The following PARN variants were observed in gnomAD, a reference collection of about 807,000 sequenced individuals.
The protein encoded by PARN is poly(A)-specific ribonuclease PARN.
A neutral mutation model predicts 102.8 loss-of-function variants in PARN; 71 were observed. The observed-to-expected ratio is 0.69, with a 90% CI of 0.57 to 0.84. The LOEUF is 0.84. Among genes scored for constraint, PARN ranks in the 40% least tolerant of loss-of-function variants. The pLI is 0.00. For missense variants in PARN, 782 were observed against 760.9 expected, an observed-to-expected ratio of 1.03 and a Z score of -0.33; for synonymous variants, 261 against 252.9, an observed-to-expected ratio of 1.03 and a Z score of -0.30.
At chr16:14,558,999 C>A (rs1268136221) in intron 18 of PARN, among the ~76,000 whole-genome samples, 1 of 152,064 alleles carries the variant, frequency 6.6e-6, no homozygotes, top group Non-Finnish European at 1.5e-5. Flanking sequence ...TGTGCACTAC[C>A]TCACCTGGCT....
At chr16:14,524,543 CAAG>C (rs939153944) in intron 21 of PARN, among the ~76,000 whole-genome samples, 3 of 152,112 alleles carry the variant, frequency 2.0e-5, no homozygotes, top group Admixed American at 6.5e-5. Context: ...TGGGGAAAGA[CAAG>C]GAGGGGAAAA....
Position 14,608,334 on chromosome 16 carries a change from G to A in PARN, c.621-15C>T. 6.7e-7 allele frequency: 1 copy of A among 1,500,956 alleles called. No homozygotes were observed. Among genetic ancestry groups the A allele is most frequent in the Non-Finnish European group, 9.0e-7 (1 of 1,106,074 alleles). The allele number at this position is 1,500,956 out of a possible 1,614,324, so 93.0% of individuals were successfully genotyped here. A position where few individuals can be genotyped will look rare whatever the true frequency, so the allele number is the denominator to read the frequency against. On this transcript the variant is annotated splice_polypyrimidine_tract_variant and intron_variant, in intron 8 of 23. Transcript: ENST00000437198. ...TTCTTTGGAACCTATAAAAACAAAAGAAAAGGTATTGATTTTGGCTCATTA... is the reference window on the plus strand; with the variant it reads ...TTCTTTGGAACCTATAAAAACAAAAAAAAAGGTATTGATTTTGGCTCATTA...
At chr16:14,593,491 T>TAAAAAAAAAAAAAAAAAAAAA (rs1567426174) in intron 12 of PARN, 113 bp from the exon 13 acceptor site, 1 of 27,608 alleles carries the variant, frequency 3.6e-5, no homozygotes, top group Non-Finnish European at 6.7e-5. Flanking sequence ...CTTTCCAGAC[T>TAAAAAAAAAAAAAAAAAAAAA]TAAAAAAAAA....
At chr16:14,440,042 A>C (rs1300818783) in intron 23 of PARN, among the ~76,000 whole-genome samples, 6 of 152,098 alleles carry the variant, frequency 3.9e-5, no homozygotes, top group South Asian at 2.1e-4. Flanking sequence ...ACAACAACAA[A>C]CCACCACCAC....
intron 21 of PARN, among the ~76,000 whole-genome samples, chr16:14,519,790 C>T (rs1385544747): frequency 6.6e-6 from 1 of 152,052 alleles, no homozygotes; most frequent in East Asian, 1.9e-4. Context: ...TTTCCTATAC[C>T]AATTGCCAAC....
At chr16:14,470,434 GATGATT>G (rs909277626) in intron 22 of PARN, among the ~76,000 whole-genome samples, 2 of 113,978 alleles carry the variant, frequency 1.8e-5, no homozygotes, top group African/African-American at 8.1e-5. Flanking sequence ...TTAGAGTTTG[GATGATT>G]ATTATTATTA....
intron 18 of PARN, among the ~76,000 whole-genome samples, chr16:14,579,962 G>A (rs1182683293): frequency 6.8e-6 from 1 of 147,720 alleles, no homozygotes; most frequent in African/African-American, 2.5e-5. Flanking sequence ...CAGCCTGGGT[G>A]ACAGAGTGAG....
intron 22 of PARN, among the ~76,000 whole-genome samples, chr16:14,469,283 G>T (rs1962573065): frequency 6.6e-6 from 1 of 152,246 alleles, no homozygotes; most frequent in Admixed American, 6.5e-5. Context: ...AGCGAGCCAA[G>T]ATCGCACCAC....
At chr16:14,569,008 T>C (rs965519238) in intron 18 of PARN, among the ~76,000 whole-genome samples, 1 of 151,898 alleles carries the variant, frequency 6.6e-6, no homozygotes, top group Non-Finnish European at 1.5e-5. Context: ...GGCCAAGAGT[T>C]CGAGACCAGC....
chr16:14,502,435 G>A (rs1437918356), intron 21 of PARN, among the ~76,000 whole-genome samples: 2 of 152,008 alleles, frequency 1.3e-5, no homozygotes, highest in Non-Finnish European at 2.9e-5. Flanking sequence ...ACACATGTGT[G>A]AACACACATG....
chr16:14,603,662 A>G (rs1250613180), intron 11 of PARN, among the ~76,000 whole-genome samples: 1 of 152,158 alleles, frequency 6.6e-6, no homozygotes, highest in African/African-American at 2.4e-5. Context: ...TCTCCTAGCT[A>G]GGTTACTCCA....
chr16:14,475,831 T>C (rs2151589444), intron 22 of PARN, among the ~76,000 whole-genome samples: 1 of 152,352 alleles, frequency 6.6e-6, no homozygotes, highest in South Asian at 2.1e-4. Context: ...ATTTCCCCCA[T>C]ACTTTAATCC....
intron 5 of PARN, among the ~76,000 whole-genome samples, chr16:14,621,505 C>A (rs939765111): frequency 6.6e-6 from 1 of 152,126 alleles, no homozygotes; most frequent in Non-Finnish European, 1.5e-5. Flanking sequence ...TATTTTACCA[C>A]AATTTTTAAG....
At chr16:14,532,807 G>A (rs1966419715) in intron 21 of PARN, among the ~76,000 whole-genome samples, 1 of 150,696 alleles carries the variant, frequency 6.6e-6, no homozygotes. Flanking sequence ...CGGGCGGGGG[G>A]CTGACCCCCC....
chr16:14,536,501 G>A (rs1567359419), intron 21 of PARN, among the ~76,000 whole-genome samples: 1 of 152,170 alleles, frequency 6.6e-6, no homozygotes, highest in Non-Finnish European at 1.5e-5. Context: ...TTTCCAGAGA[G>A]TGAATTATGA....
In PARN at chr16:14,485,290, A is replaced by C. The variant is rs1304998784; in HGVS notation, c.1481-2463T>G. 7.9e-5 allele frequency among the ~76,000 whole-genome samples: 12 copies of C among 152,210 alleles called. No individual in the cohort carries two copies. In the East Asian group the frequency reaches 1.5e-3, roughly 19 times the overall value. On this transcript the variant is annotated intron_variant, in intron 21 of 23. Coordinates refer to ENST00000437198, the MANE Select transcript of PARN (RefSeq NM_002582.4). ...TGGAACAGTTATTTTTCTTACTTTG[A>C]ATGTGTCATATTTCTGTTATTTTTC...
chr16:14,582,038 C>A, intron 17 of PARN, 143 bp downstream of exon 17: 1 of 665,006 alleles, frequency 1.5e-6, no homozygotes, highest in South Asian at 1.8e-5. Context: ...CTTGGACTTT[C>A]CAGCCTCCTG....
chr16:14,519,150 T>C lies in PARN; in HGVS notation c.1480+32871A>G, dbSNP rs542970059. 9.9e-5 allele frequency among the ~76,000 whole-genome samples: 15 copies of C among 151,654 alleles called. No individual in the cohort carries two copies. In the East Asian group the frequency reaches 2.7e-3, roughly 27 times the overall value. ...GATTCTTGCTATGAGAGAAAGAACG[T>C]ATATATTTAGGACAAAAAAGATTAA... On this transcript the variant is annotated intron_variant, in intron 21 of 23. Coordinates refer to ENST00000437198, the MANE Select transcript of PARN (RefSeq NM_002582.4).
intron 22 of PARN, among the ~76,000 whole-genome samples, chr16:14,470,678 T>C (rs1360722934): frequency 6.6e-6 from 1 of 152,016 alleles, no homozygotes. Context: ...AGGCTGCTCT[T>C]GAACTCCTGA....
Sources: allele counts gnomAD v4.1 joint callset (sites outside exome capture counted in the v4.1 genomes callset), GRCh38; gene constraint gnomAD v4.1.1; transcripts MANE v1.5; gene names NCBI Gene and HGNC (gene_info 2026-07-23, HGNC 2026-07-21).